NTN4: variants seen among roughly 807,000 people sequenced by gnomAD.
NTN4 encodes the protein netrin 4, also known as netrin-4.
Under a neutral mutation model 73.6 loss-of-function variants are expected in NTN4, and 32 were observed. That is an observed-to-expected ratio of 0.44 (90% confidence interval 0.33 to 0.58). NTN4 has a LOEUF of 0.58. Among genes scored for constraint, NTN4 ranks in the 20% least tolerant of loss-of-function variants. The probability of loss-of-function intolerance (pLI) is 0.04; values close to 1 mark genes in which losing one functional copy is unlikely to be tolerated. For missense variants in NTN4, 654 were observed against 798.3 expected (o/e 0.82, Z 2.18); for synonymous variants, 258 against 287.5 (o/e 0.90, Z 1.04).
At chr12:95,738,322 A>G (rs10444523) in intron 2 of NTN4, among the ~76,000 whole-genome samples, 178 bp from the exon 3 acceptor site, 39,585 of 152,178 alleles carry the variant, frequency 0.26, 5,975 homozygotes, top group South Asian at 0.36. Flanking sequence ...TCTAAGGAGC[A>G]GATGTGCTGC....
At chr12:95,713,463 A>C (rs1329429907) in intron 3 of NTN4, 125 bp from the exon 4 acceptor site, 5 of 1,103,680 alleles carry the variant, frequency 4.5e-6, no homozygotes, top group African/African-American at 1.6e-5. Context: ...TTTCCTGAAG[A>C]AGTTAGCCAT....
Position 95,659,044 on chromosome 12 carries a change from T to C in NTN4, c.*42A>G, listed in dbSNP as rs371478215. The C allele has an allele frequency of 1.5e-4, 231 of 1,553,982 alleles. No individual in the cohort carries two copies. In the African/African-American group the frequency reaches 2.8e-3, roughly 19 times the overall value. ...GTCTTCTTGCTCTAAAGTTTGTGTT[T>C]TGTACATAGACAAGTGCCATTATGT... On this transcript the variant is annotated 3_prime_UTR_variant, in exon 10 of 10. Coordinates refer to ENST00000343702, the MANE Select transcript of NTN4 (RefSeq NM_021229.4).
chr12:95,701,479 A>G (rs1015174788), intron 5 of NTN4, among the ~76,000 whole-genome samples: 7 of 152,184 alleles, frequency 4.6e-5, no homozygotes, highest in African/African-American at 1.7e-4. Context: ...GTCTTAAAAA[A>G]ACAAACAACA....
intron 3 of NTN4, among the ~76,000 whole-genome samples, chr12:95,733,073 A>G (rs1035361752): frequency 1.2e-4 from 19 of 152,242 alleles, no homozygotes; most frequent in African/African-American, 4.3e-4. Context: ...TGCCTTAACA[A>G]GTGCAGCTCA....
chr12:95,661,201 A>T (rs2078135529), intron 9 of NTN4, among the ~76,000 whole-genome samples: 1 of 152,240 alleles, frequency 6.6e-6, no homozygotes, highest in African/African-American at 2.4e-5. Context: ...ACCATTTCTT[A>T]CTTTGAAAAT....
rs568355086 is a variant in NTN4 at position 95,724,179 on chromosome 12, G to A, written c.865-10841C>T. The stretch of plus-strand genomic sequence containing the variant: ...CATCACGCACTTTATCTTCCCTCTG[G>A]GGACTGTAATAAATATTTCTGCCAT... On this transcript the variant is annotated intron_variant, in intron 3 of 9. Transcript: ENST00000343702. 2.0e-5 allele frequency among the ~76,000 whole-genome samples: 3 copies of A among 152,064 alleles called. No homozygotes were observed. In the East Asian group the frequency reaches 5.8e-4, roughly 29 times the overall value.
intron 8 of NTN4, among the ~76,000 whole-genome samples, chr12:95,669,711 C>A (rs2078212425): frequency 1.3e-5 from 2 of 152,004 alleles, no homozygotes; most frequent in Admixed American, 6.6e-5. Flanking sequence ...TACTGTACGA[C>A]AAACGAACAC....
chr12:95,716,511 G>A (rs2078606287), intron 3 of NTN4, among the ~76,000 whole-genome samples: 1 of 152,118 alleles, frequency 6.6e-6, no homozygotes, highest in Non-Finnish European at 1.5e-5. Context: ...GTAAGGAAAT[G>A]ATGTGAAAGA....
intron 2 of NTN4, among the ~76,000 whole-genome samples, chr12:95,745,075 G>C (rs1336514594): frequency 6.6e-6 from 1 of 151,644 alleles, no homozygotes; most frequent in Non-Finnish European, 1.5e-5. Context: ...CTGCTTTTAA[G>C]GTTTTCTTTT....
At chr12:95,777,512 T>A (rs997383667) in intron 2 of NTN4, among the ~76,000 whole-genome samples, 2 of 152,188 alleles carry the variant, frequency 1.3e-5, no homozygotes. Flanking sequence ...GTTGCAATCC[T>A]AGTCTCTGAT....
intron 2 of NTN4, among the ~76,000 whole-genome samples, chr12:95,769,722 AG>A (rs57326094): frequency 0.34 from 50,911 of 149,490 alleles, 9,242 homozygotes; most frequent in East Asian, 0.59. Context: ...CTGTTGTTAC[AG>A]GTGCATACTC....
In NTN4 at chr12:95,728,729, T is replaced by G. The variant is rs562629345; in HGVS notation, c.864+9137A>C. Among the ~76,000 whole-genome samples, 4 of 152,284 alleles carry G rather than the reference T, an allele frequency of 2.6e-5. No individual in the cohort carries two copies. In the South Asian group the frequency reaches 8.3e-4, roughly 32 times the overall value. On this transcript the variant is annotated intron_variant, in intron 3 of 9. Transcript: ENST00000343702. ...CATGCCTGATAGTGTTGCCCTGATA[T>G]GGTTTGGATCTGTGTCCCCATCCAA...
chr12:95,711,460 C>A (rs2078564725), intron 4 of NTN4, among the ~76,000 whole-genome samples: 1 of 152,118 alleles, frequency 6.6e-6, no homozygotes, highest in Admixed American at 6.6e-5. Context: ...GATTGTCAGG[C>A]CTTATGTGGA....
intron 6 of NTN4, among the ~76,000 whole-genome samples, chr12:95,683,278 C>T (rs4762235): frequency 0.89 from 135,678 of 152,168 alleles, 60,757 homozygotes; most frequent in East Asian, 1. Context: ...GCCAGGCTGG[C>T]CTCGAACTCC....
intron 2 of NTN4, among the ~76,000 whole-genome samples, chr12:95,749,100 A>G (rs2078884286): frequency 6.6e-6 from 1 of 151,514 alleles, no homozygotes; most frequent in African/African-American, 2.4e-5. Context: ...CCTGCCCACC[A>G]GAAAACAACC....
chr12:95,723,647 C>T (rs559056235), intron 3 of NTN4, among the ~76,000 whole-genome samples: 53 of 152,162 alleles, frequency 3.5e-4, no homozygotes, highest in Non-Finnish European at 6.9e-4. Context: ...TCCTGAGTAA[C>T]TGGGATTACA....
chr12:95,749,923 CGCTTTTCTGGGGG>C (rs1565906726), intron 2 of NTN4, among the ~76,000 whole-genome samples: 2 of 137,674 alleles, frequency 1.5e-5, no homozygotes, highest in Non-Finnish European at 3.2e-5. Flanking sequence ...TGGCAAGTCC[CGCTTTTCTGGGGG>C]AGGGGCAAGT....
At position 95,665,822 on chromosome 12, in the gene NTN4, T is replaced by C. The variant is rs766041071; in HGVS notation, c.1738A>G (p.Ile580Val). The C allele has an allele frequency of 8.7e-6, 14 of 1,613,312 alleles. No homozygotes were observed. Among genetic ancestry groups the C allele is most frequent in the African/African-American group, 2.7e-5 (2 of 74,886 alleles). Residue 580 changes from isoleucine (I) to valine (V), a missense_variant, in exon 9 of 10, where the codon ATC becomes GTC. Coordinates refer to ENST00000343702, the MANE Select transcript of NTN4 (RefSeq NM_021229.4). The stretch of plus-strand genomic sequence containing the variant: ...GTCTAATACTCACCAGGATTGAGGA[T>C]TGGACAAGTGCATCCTCTGTCCGTC... The part of the protein sequence containing the change: ...SWTDRGCTCP[I>V]LNPGLEYLVA...
intron 2 of NTN4, among the ~76,000 whole-genome samples, chr12:95,744,954 C>T (rs79741376): frequency 0.028 from 4,218 of 151,244 alleles, 57 homozygotes; most frequent in East Asian, 0.039. Context: ...TCTTTCGGCA[C>T]TTTAAAAGTT....
Sources: gnomAD v4.1 joint callset for allele counts (sites outside exome capture counted in the v4.1 genomes callset) on GRCh38, gnomAD v4.1.1 for gene constraint, MANE v1.5 for transcripts, NCBI Gene and HGNC (gene_info 2026-07-23, HGNC 2026-07-21) for gene names.